KCNK10: variants seen among roughly 807,000 people sequenced by gnomAD.
KCNK10 encodes the protein potassium channel subfamily K member 10.
A neutral mutation model predicts 47.7 loss-of-function variants in KCNK10; 25 were observed. The observed-to-expected ratio is 0.52, with a 90% CI of 0.38 to 0.73. The LOEUF (loss-of-function observed/expected upper bound fraction) is 0.73. KCNK10 is among the 30% of genes least tolerant of loss of function. KCNK10 has a pLI of 0.00. For missense variants in KCNK10, 563 were observed against 714.5 expected, an observed-to-expected ratio of 0.79 and a Z score of 2.42; for synonymous variants, 303 against 285.6, an observed-to-expected ratio of 1.06 and a Z score of -0.61.
At chr14:88,236,917 T>TG (rs1288494040) in intron 3 of KCNK10, among the ~76,000 whole-genome samples, 1 of 152,218 alleles carries the variant, frequency 6.6e-6, no homozygotes, top group Non-Finnish European at 1.5e-5. Context: ...CGGTGACTGT[T>TG]GAAGGCTGGG....
chr14:88,207,015 A>T (rs1483367983), intron 4 of KCNK10, among the ~76,000 whole-genome samples: 2 of 152,198 alleles, frequency 1.3e-5, no homozygotes, highest in Non-Finnish European at 2.9e-5. Context: ...AAGTGTCTGC[A>T]TATGAATACC....
chr14:88,197,564 A>G (rs537178455), intron 4 of KCNK10, among the ~76,000 whole-genome samples: 37 of 118,560 alleles, frequency 3.1e-4, no homozygotes, highest in African/African-American at 1.1e-3. Context: ...ACAGAGAGAG[A>G]CTCCGACTAA....
At chr14:88,252,031 C>T (rs1224783411) in intron 2 of KCNK10, among the ~76,000 whole-genome samples, 1 of 152,204 alleles carries the variant, frequency 6.6e-6, no homozygotes, top group Non-Finnish European at 1.5e-5. Flanking sequence ...AGGTTTGGCT[C>T]TCCCACTGTC....
chr14:88,313,288 A>G (rs752030384), intron 1 of KCNK10, among the ~76,000 whole-genome samples: 40 of 152,182 alleles, frequency 2.6e-4, no homozygotes, highest in Non-Finnish European at 5.0e-4. Flanking sequence ...TCTTACGGTG[A>G]TTTTTCAATA....
chr14:88,195,990 C>T (rs139696814), intron 4 of KCNK10, among the ~76,000 whole-genome samples: 2 of 152,306 alleles, frequency 1.3e-5, no homozygotes, highest in South Asian at 2.1e-4. Flanking sequence ...GCTAATGTGT[C>T]CTTAGGCTAA....
In KCNK10 at chr14:88,206,927, A is replaced by C. The variant is rs531752203; in HGVS notation, c.682-14517T>G. ...GGGTTCAGAACCACTGGGTGAAGGT[A>C]AATTGTATACTGTATTTAAGAAGAT... On this transcript the variant is annotated intron_variant, in intron 4 of 6. Transcript: ENST00000319231. Among the ~76,000 whole-genome samples the C allele has an allele frequency of 1.4e-3, 216 of 152,342 alleles. 1 individual carries two copies. The highest frequency in any genetic ancestry group is 4.9e-3 in the African/African-American group (202 of 41,574).
chr14:88,226,269 T>C (rs916336478), intron 4 of KCNK10, among the ~76,000 whole-genome samples: 6 of 152,204 alleles, frequency 3.9e-5, no homozygotes, highest in Non-Finnish European at 7.3e-5. Flanking sequence ...GCCTCGTTCC[T>C]CCCATTCTAC....
intron 4 of KCNK10, among the ~76,000 whole-genome samples, chr14:88,201,735 C>T (rs1438612234): frequency 6.6e-6 from 1 of 152,126 alleles, no homozygotes; most frequent in Non-Finnish European, 1.5e-5. Context: ...AATGTCCTGG[C>T]TTTTAATTGG....
At chr14:88,188,869 T>C (rs1884654838) in intron 5 of KCNK10, among the ~76,000 whole-genome samples, 1 of 152,196 alleles carries the variant, frequency 6.6e-6, no homozygotes, top group Non-Finnish European at 1.5e-5. Context: ...TCTGAATAAT[T>C]AGCCTATTTA....
chr14:88,282,058 C>G (rs142599152), intron 1 of KCNK10, among the ~76,000 whole-genome samples: 2 of 152,052 alleles, frequency 1.3e-5, no homozygotes, highest in South Asian at 2.1e-4. Context: ...CTCTTATATA[C>G]CCAGTACCTA....
upstream of KCNK10, among the ~76,000 whole-genome samples, chr14:88,325,498 T>C (rs987754776): frequency 1.3e-5 from 2 of 152,118 alleles, no homozygotes; most frequent in Admixed American, 1.3e-4. Context: ...CTCAGAGAGA[T>C]AAAGAAACAT....
At chr14:88,239,683 A>T (rs1886396603) in intron 3 of KCNK10, among the ~76,000 whole-genome samples, 1 of 151,958 alleles carries the variant, frequency 6.6e-6, no homozygotes, top group South Asian at 2.1e-4. Context: ...ATGTGGTGAA[A>T]CCCCATCTCT....
At chr14:88,326,579 A>G, upstream of KCNK10, 1 of 741,162 alleles carries the variant, frequency 1.3e-6, no homozygotes, top group South Asian at 1.7e-5. Flanking sequence ...CGGCAGGAAA[A>G]CAAAACATCG....
chr14:88,287,677 GTGTGTGTGT>G (rs1566715214), intron 1 of KCNK10, among the ~76,000 whole-genome samples: 558 of 36,878 alleles, frequency 0.015, 2 homozygotes, highest in Non-Finnish European at 0.019. Flanking sequence ...ATTCCATGGT[GTGTGTGTGT>G]GTGTGTGTGT....
Position 88,322,435 on chromosome 14 carries a change from A to T in KCNK10, c.52+312T>A, listed in dbSNP as rs373367465. ...CACACACACACACACACACACACAC[A>T]CACACTCGCACACTCAAAGTCAAAA... On this transcript the variant is annotated intron_variant, in intron 1 of 6. Coordinates refer to ENST00000319231, the MANE Select transcript of KCNK10 (RefSeq NM_138317.3). The surrounding 1 kb of genome is among the most constrained non-coding windows in gnomAD (Gnocchi z 4.8). 7.6e-6 allele frequency among the ~76,000 whole-genome samples: 1 copy of T among 131,066 alleles called. No homozygotes were observed. The highest frequency in any genetic ancestry group is 7.9e-5 in the Admixed American group (1 of 12,686). The allele number at this position is 131,066 out of a possible 152,430, so 86.0% of individuals were successfully genotyped here.
At chr14:88,305,361 T>C (rs1333346783) in intron 1 of KCNK10, among the ~76,000 whole-genome samples, 2 of 152,218 alleles carry the variant, frequency 1.3e-5, no homozygotes, top group Non-Finnish European at 2.9e-5. Context: ...GAGAATCAAC[T>C]GTACTTGATT....
chr14:88,236,564 CA>C (rs944560506), intron 3 of KCNK10, among the ~76,000 whole-genome samples: 1 of 152,136 alleles, frequency 6.6e-6, no homozygotes, highest in African/African-American at 2.4e-5. Context: ...ACGACTAAAA[CA>C]AATGCAAATA....
chr14:88,206,264 C>T (rs535105229), intron 4 of KCNK10, among the ~76,000 whole-genome samples: 35 of 152,198 alleles, frequency 2.3e-4, no homozygotes, highest in African/African-American at 7.9e-4. Context: ...AGGGTGTTTG[C>T]GGTTGTCACA....
chr14:88,312,943 G>C (rs1323112867), intron 1 of KCNK10, among the ~76,000 whole-genome samples: 1 of 152,166 alleles, frequency 6.6e-6, no homozygotes. Flanking sequence ...GGTAAAAATG[G>C]AGTTAAATGA....
Sources: allele counts gnomAD v4.1 joint callset (sites outside exome capture counted in the v4.1 genomes callset), GRCh38; gene constraint gnomAD v4.1.1; non-coding constraint Gnocchi (gnomAD v3.1); transcripts MANE v1.5; gene names NCBI Gene and HGNC (gene_info 2026-07-23, HGNC 2026-07-21).